The following HIBCH variants were observed in gnomAD, a reference collection of about 807,000 sequenced individuals.
The protein encoded by HIBCH is 3-hydroxyisobutyryl-CoA hydrolase.
A neutral mutation model predicts 58.2 loss-of-function variants in HIBCH; 50 were observed. That is an observed-to-expected ratio of 0.86 (90% CI 0.68 to 1.09). The LOEUF (loss-of-function observed/expected upper bound fraction) is 1.09, where lower values mean the gene tolerates loss of function less well. Ranked by LOEUF, HIBCH falls within the 50% of genes least tolerant of loss-of-function variation. The probability of loss-of-function intolerance (pLI) is 0.00; values close to 1 mark genes in which losing one functional copy is unlikely to be tolerated. For synonymous variants in HIBCH, 151 were observed against 146.9 expected (o/e 1.03, Z -0.20); for missense variants, 450 against 449.7 (o/e 1.00, Z -0.01).
At chr2:190,198,058 A>C (rs370367970) in intron 1 of HIBCH, among the ~76,000 whole-genome samples, 2 of 152,358 alleles carry the variant, frequency 1.3e-5, no homozygotes, top group South Asian at 2.1e-4. Flanking sequence ...TAAACAAGAC[A>C]GACACCACAC....
At chr2:190,288,918 C>A (rs1045889447) in intron 5 of HIBCH, among the ~76,000 whole-genome samples, 3 of 152,068 alleles carry the variant, frequency 2.0e-5, no homozygotes. Flanking sequence ...TCGAGAGCAG[C>A]CTGGCCAACA....
intron 4 of HIBCH, among the ~76,000 whole-genome samples, chr2:190,290,923 A>C (rs552186443): frequency 6.6e-6 from 1 of 152,044 alleles, no homozygotes; most frequent in African/African-American, 2.4e-5. Flanking sequence ...AGCCGGGAGG[A>C]TCATTTGAGC....
downstream of HIBCH, chr2:190,201,918 T>G (rs924442047): frequency 1.8e-5 from 3 of 167,070 alleles, no homozygotes; most frequent in African/African-American, 7.2e-5. Flanking sequence ...TTTCATTCAT[T>G]TTGCATCTCA....
rs147274652 is a variant in HIBCH, at chr2:190,308,690, G to A, written c.78+2064C>T. ...CCTTGGACTTCTCAACCTCCGTAAC[G>A]ATAAGAAATAAATTCCTTTTCTTTA... On this transcript the variant is annotated intron_variant, in intron 2 of 13. Coordinates refer to ENST00000359678, the MANE Select transcript of HIBCH (RefSeq NM_014362.4). 5.6e-3 allele frequency among the ~76,000 whole-genome samples: 859 copies of A among 152,204 alleles called. 6 individuals carry two copies. Among genetic ancestry groups the A allele is most frequent in the African/African-American group, 0.02 (816 of 41,498 alleles).
At chr2:190,267,801 A>G (rs889019124) in intron 6 of HIBCH, among the ~76,000 whole-genome samples, 1 of 148,718 alleles carries the variant, frequency 6.7e-6, no homozygotes, top group Non-Finnish European at 1.5e-5. Context: ...ATGGAAATTT[A>G]GGGCTTGCCA....
rs116705079 is a variant in HIBCH at position 190,253,482 on chromosome 2, C to T, written c.518-1175G>A. ...AGGTCTCAAGTTAAACTCATAACCTCCCCGCGCCAGTCCCACAATCTTCCT... is the reference window on the plus strand; with the variant it reads ...AGGTCTCAAGTTAAACTCATAACCTTCCCGCGCCAGTCCCACAATCTTCCT... On this transcript the variant is annotated intron_variant, in intron 7 of 13. Coordinates refer to ENST00000359678, the MANE Select transcript of HIBCH (RefSeq NM_014362.4). 6.7e-3 allele frequency among the ~76,000 whole-genome samples: 1,014 copies of T among 152,240 alleles called. 12 individuals carry two copies. Among genetic ancestry groups the T allele is most frequent in the African/African-American group, 0.022 (921 of 41,548 alleles).
At chr2:190,244,129 TAATATATA>T (rs1423997077) in intron 11 of HIBCH, among the ~76,000 whole-genome samples, 26 of 135,714 alleles carry the variant, frequency 1.9e-4, no homozygotes, top group African/African-American at 7.1e-4. Context: ...ATGTGGAGCC[TAATATATA>T]TATATATATA....
rs758103320 is a variant in HIBCH, at chr2:190,294,628, C to T, written c.222G>A (p.Lys74=). Residue 74 remains lysine (K), a splice_region_variant and synonymous_variant, in exon 4 of 14, where the codon AAG becomes AAA. Transcript: ENST00000359678. ...GGAAAGTTTCAGGATCTTGTTCCCACTTCTATTCAAATGTAACAGAAGATG... is the reference window on the plus strand; with the variant it reads ...GGAAAGTTTCAGGATCTTGTTCCCATTTCTATTCAAATGTAACAGAAGATG... ...MIRQIYPQLK[K]WEQDPETFLI... 1 of 1,606,694 alleles carries T rather than the reference C, an allele frequency of 6.2e-7. No homozygotes were observed. Among genetic ancestry groups the T allele is most frequent in the Admixed American group, 1.7e-5 (1 of 60,018 alleles).
intron 6 of HIBCH, among the ~76,000 whole-genome samples, chr2:190,286,074 T>C (rs755929858): frequency 1.3e-4 from 20 of 152,068 alleles, no homozygotes; most frequent in African/African-American, 1.9e-4. Flanking sequence ...ACTCCTAGCC[T>C]CAAGCGATTT....
intron 7 of HIBCH, among the ~76,000 whole-genome samples, chr2:190,257,821 G>C (rs1032625652): frequency 6.6e-6 from 1 of 152,112 alleles, no homozygotes. Context: ...CCCTGTATCG[G>C]GAACTAACCT....
At chr2:190,272,456 T>C (rs1687425012) in intron 6 of HIBCH, among the ~76,000 whole-genome samples, 1 of 152,208 alleles carries the variant, frequency 6.6e-6, no homozygotes, top group African/African-American at 2.4e-5. Context: ...TCTGAAATAC[T>C]TTCACGCCTC....
At chr2:190,313,659 AAAAAAG>A (rs1455331873) in intron 1 of HIBCH, among the ~76,000 whole-genome samples, 2 of 149,018 alleles carry the variant, frequency 1.3e-5, no homozygotes, top group Non-Finnish European at 1.5e-5. Flanking sequence ...AAAAAAAAAA[AAAAAAG>A]GAATCACCTG....
chr2:190,274,801 G>A (rs549519289), intron 6 of HIBCH, among the ~76,000 whole-genome samples: 10 of 152,176 alleles, frequency 6.6e-5, no homozygotes, highest in Non-Finnish European at 1.0e-4. Context: ...TAAGAGAAAC[G>A]ATTGTTTTGC....
chr2:190,308,461 C>T (rs941114961), intron 2 of HIBCH, among the ~76,000 whole-genome samples: 9 of 152,124 alleles, frequency 5.9e-5, no homozygotes, highest in East Asian at 1.9e-4. Context: ...CTCACATGAA[C>T]GGATTAACCC....
At chr2:190,194,339 T>A (rs778138268) in intron 1 of HIBCH, among the ~76,000 whole-genome samples, 2 of 152,188 alleles carry the variant, frequency 1.3e-5, no homozygotes, top group Non-Finnish European at 2.9e-5. Context: ...TGTGGGTTTG[T>A]CAGTTTTAAG....
intron 1 of HIBCH, among the ~76,000 whole-genome samples, chr2:190,192,457 T>TGTGG (rs1346134268): frequency 2.1e-5 from 2 of 94,660 alleles, no homozygotes; most frequent in Non-Finnish European, 4.3e-5. Context: ...AGAATCTGTG[T>TGTGG]GTGTGTGTGT....
chr2:190,301,215 C>A lies in HIBCH; in HGVS notation c.79-4262G>T, dbSNP rs111389984. Among the ~76,000 whole-genome samples the A allele has an allele frequency of 5.4e-3, 827 of 152,274 alleles. 5 individuals carry two copies. The highest frequency in any genetic ancestry group is 0.019 in the African/African-American group (786 of 41,548). ...ACTGCTAAATCCTTTCCCTTTATCTCCCATACAGAACAAAAGGCTTTATCT... is the reference window on the plus strand; with the variant it reads ...ACTGCTAAATCCTTTCCCTTTATCTACCATACAGAACAAAAGGCTTTATCT... On this transcript the variant is annotated intron_variant, in intron 2 of 13. Coordinates refer to ENST00000359678, the MANE Select transcript of HIBCH (RefSeq NM_014362.4).
Position 190,310,870 on chromosome 2 carries a change from C to G in HIBCH, c.36-74G>C, listed in dbSNP as rs954178493. On this transcript the variant is annotated intron_variant, in intron 1 of 13. Coordinates refer to ENST00000359678, the MANE Select transcript of HIBCH (RefSeq NM_014362.4). ...TCTCAGTTGACAAATAGTATATCAC[C>G]TTTTGTTTCAGCCTCTTCTAAAAGG... 5 of 1,069,282 alleles carry G rather than the reference C, an allele frequency of 4.7e-6. No homozygotes were observed. The African/African-American group carries it at 7.8e-5, about 17-fold the overall frequency. 66.2% of individuals were successfully genotyped at this position (1,069,282 alleles called of 1,614,324 possible).
chr2:190,232,260 A>G (rs1686122912), intron 11 of HIBCH, among the ~76,000 whole-genome samples: 1 of 152,228 alleles, frequency 6.6e-6, no homozygotes, highest in Non-Finnish European at 1.5e-5. Context: ...AAATTTTAAA[A>G]TGACACCATT....
Sources: allele counts gnomAD v4.1 joint callset (sites outside exome capture counted in the v4.1 genomes callset), GRCh38; gene constraint gnomAD v4.1.1; transcripts MANE v1.5; gene names NCBI Gene and HGNC (gene_info 2026-07-23, HGNC 2026-07-21).